Variants in LAMA2 observed in about 807,000 individuals in gnomAD.
The protein encoded by LAMA2 is laminin subunit alpha 2.
A neutral mutation model predicts 364.8 loss-of-function variants in LAMA2; 269 were observed. The observed-to-expected ratio is 0.74, with a 90% confidence interval of 0.67 to 0.82. The LOEUF (loss-of-function observed/expected upper bound fraction) is 0.82. Ranked by LOEUF, LAMA2 falls within the 40% of genes least tolerant of loss-of-function variation. The pLI is 0.00. For missense variants in LAMA2, 3,807 were observed against 3,873.2 expected (o/e 0.98, Z 0.45); for synonymous variants, 1,379 against 1,370.6 (o/e 1.01, Z -0.14).
Position 129,316,064 on chromosome 6 carries a change from T to A in LAMA2, c.3951T>A (p.Asp1317Glu). 1 of 1,613,892 alleles carries A rather than the reference T, an allele frequency of 6.2e-7. No homozygotes were observed. Residue 1317 changes from aspartate (D) to glutamate (E), a missense_variant, in exon 27 of 65, where the codon GAT becomes GAA. Around this residue, in one of 3 missense-constraint regions of LAMA2, gnomAD observed 3,333 missense variants for 3,345.7 expected, o/e 1.00. Coordinates refer to ENST00000421865, the MANE Select transcript of LAMA2 (RefSeq NM_000426.4). ...TEKEWKYYGD[D>E]PRVHRTVTRE... ...AAGAATGGAAATATTATGGGGATGA[T>A]CCTCGAGTCCATAGAACTGTGACCC...
At chr6:129,512,793 A>T (rs963869221) in intron 63 of LAMA2, among the ~76,000 whole-genome samples, 7 of 152,278 alleles carry the variant, frequency 4.6e-5, no homozygotes, top group African/African-American at 9.6e-5. Flanking sequence ...ACACACTCTT[A>T]TTCTCCTCTT....
At chr6:128,992,922 A>T (rs570767257) in intron 1 of LAMA2, among the ~76,000 whole-genome samples, 6 of 152,336 alleles carry the variant, frequency 3.9e-5, no homozygotes. Flanking sequence ...TCCAATTCTC[A>T]GTTATCTACA....
chr6:129,259,436 C>T (rs1786959247), intron 14 of LAMA2, among the ~76,000 whole-genome samples: 1 of 152,002 alleles, frequency 6.6e-6, no homozygotes, highest in African/African-American at 2.4e-5. Context: ...TTACAAGATG[C>T]CATATCATAT....
intron 8 of LAMA2, among the ~76,000 whole-genome samples, chr6:129,157,256 T>G (rs1020875634): frequency 6.6e-6 from 1 of 152,280 alleles, no homozygotes; most frequent in East Asian, 1.9e-4. Flanking sequence ...GAAGTCTTGA[T>G]GCAGTTCATA....
At chr6:129,060,197 TAAC>T (rs1788799648) in intron 3 of LAMA2, among the ~76,000 whole-genome samples, 1 of 152,320 alleles carries the variant, frequency 6.6e-6, no homozygotes, top group African/African-American at 2.4e-5. Context: ...AAATTTTACA[TAAC>T]AAAAATATAA....
intron 29 of LAMA2, among the ~76,000 whole-genome samples, chr6:129,332,185 A>G (rs991019290): frequency 2.6e-5 from 4 of 152,194 alleles, no homozygotes; most frequent in African/African-American, 9.7e-5. Flanking sequence ...ATATCCACTC[A>G]TTACTATGGT....
At chr6:129,328,552 T>C (rs1775441289) in intron 29 of LAMA2, 140 bp downstream of exon 29, 1 of 1,372,276 alleles carries the variant, frequency 7.3e-7, no homozygotes, top group Non-Finnish European at 1.0e-6. Context: ...GGGAAAAAGA[T>C]ATTCACAGAT....
intron 1 of LAMA2, among the ~76,000 whole-genome samples, chr6:128,970,680 A>C (rs1240808294): frequency 6.6e-6 from 1 of 152,244 alleles, no homozygotes; most frequent in Non-Finnish European, 1.5e-5. Context: ...ATTCTAACTT[A>C]TTCTGATGAA....
At chr6:129,408,685 T>C (rs1222940183) in intron 40 of LAMA2, among the ~76,000 whole-genome samples, 1 of 151,596 alleles carries the variant, frequency 6.6e-6, no homozygotes, top group Non-Finnish European at 1.5e-5. Context: ...GAGGGCTCAG[T>C]GTTGGTTTCT....
At chr6:129,073,232 C>T (rs915585029) in intron 3 of LAMA2, among the ~76,000 whole-genome samples, 4 of 151,982 alleles carry the variant, frequency 2.6e-5, no homozygotes, top group African/African-American at 4.8e-5. Context: ...ATGAAGTAAG[C>T]GGAAAGTCTT....
intron 7 of LAMA2, 104 bp downstream of exon 7, chr6:129,149,200 A>C (rs1778653936): frequency 1.0e-5 from 8 of 778,950 alleles, no homozygotes; most frequent in Non-Finnish European, 1.8e-5. Flanking sequence ...TGTGTCAACA[A>C]ATACTCATTT....
intron 58 of LAMA2, among the ~76,000 whole-genome samples, chr6:129,494,260 C>T (rs909767895): frequency 5.9e-5 from 9 of 152,160 alleles, no homozygotes; most frequent in African/African-American, 1.7e-4. Context: ...TTAGTGTCCA[C>T]GATGGAATTG....
Position 129,427,007 on chromosome 6 carries a change from G to A in LAMA2, c.5866-745G>A, listed in dbSNP as rs114001646. On this transcript the variant is annotated intron_variant, in intron 40 of 64. Transcript: ENST00000421865. ...GTTTGATTTATCTCTTGGTATATAT[G>A]AATTATGTAATGATTGCTGAGGAGC... is the stretch of plus-strand genomic sequence containing the variant. Among the ~76,000 whole-genome samples the A allele has an allele frequency of 2.8e-3, 430 of 152,286 alleles. 2 individuals carry two copies. The highest frequency in any genetic ancestry group is 9.8e-3 in the African/African-American group (407 of 41,556).
chr6:129,051,399 A>T (rs893049010), intron 2 of LAMA2, among the ~76,000 whole-genome samples: 1 of 148,688 alleles, frequency 6.7e-6, no homozygotes, highest in African/African-American at 2.5e-5. Context: ...TGCAACCGCC[A>T]TCTCCCGGGT....
chr6:128,911,299 C>A (rs951985339), intron 1 of LAMA2, among the ~76,000 whole-genome samples: 1 of 152,186 alleles, frequency 6.6e-6, no homozygotes, highest in Non-Finnish European at 1.5e-5. Context: ...ACTCCGTGGG[C>A]GTAGTACCTT....
chr6:128,992,706 G>A (rs1783680960), intron 1 of LAMA2, among the ~76,000 whole-genome samples: 1 of 152,182 alleles, frequency 6.6e-6, no homozygotes, highest in Non-Finnish European at 1.5e-5. Context: ...GGAAAATGAA[G>A]AGTTGAATTT....
intron 18 of LAMA2, among the ~76,000 whole-genome samples, chr6:129,284,169 G>A (rs1036104627): frequency 6.6e-6 from 1 of 152,092 alleles, no homozygotes; most frequent in Admixed American, 6.6e-5. Flanking sequence ...TGTCAAATGG[G>A]AGGAAGTAAG....
intron 1 of LAMA2, among the ~76,000 whole-genome samples, chr6:128,988,224 CA>C (rs1285678802): frequency 6.6e-6 from 1 of 152,126 alleles, no homozygotes; most frequent in Non-Finnish European, 1.5e-5. Context: ...TGGATATCTA[CA>C]AAAGTTATTT....
chr6:129,262,608 G>C (rs73585531), intron 15 of LAMA2, among the ~76,000 whole-genome samples: 1,602 of 152,160 alleles, frequency 0.011, 30 homozygotes, highest in African/African-American at 0.037. Flanking sequence ...ATGAATTTTG[G>C]AACTTTGGAT....
Sources: allele counts gnomAD v4.1 joint callset (sites outside exome capture counted in the v4.1 genomes callset), GRCh38; gene constraint gnomAD v4.1.1; regional missense constraint gnomAD v4.1.1; transcripts MANE v1.5; gene names NCBI Gene and HGNC (gene_info 2026-07-23, HGNC 2026-07-21).